Variants in KDM4C observed in about 807,000 individuals in gnomAD.
KDM4C encodes the protein lysine-specific demethylase 4C.
KDM4C carries 81 observed loss-of-function variants against 129.3 expected under a neutral mutation model. The ratio of observed to expected loss-of-function variants is 0.63; its 90% CI spans 0.52 to 0.75. The LOEUF (loss-of-function observed/expected upper bound fraction) is 0.75. KDM4C is among the 30% of genes least tolerant of loss of function. KDM4C has a pLI of 0.00. For synonymous variants in KDM4C, 573 were observed against 456.1 expected, an observed-to-expected ratio of 1.26 and a Z score of -3.26; for missense variants, 1,457 against 1,304.0, an observed-to-expected ratio of 1.12 and a Z score of -1.81.
intron 2 of KDM4C, among the ~76,000 whole-genome samples, chr9:6,801,523 T>C (rs1431393919): frequency 5.3e-5 from 8 of 151,100 alleles, no homozygotes; most frequent in African/African-American, 1.5e-4. Flanking sequence ...AGGCGTGAGC[T>C]ACCGTGCCCA....
At chr9:6,811,423 A>T (rs1190031841) in intron 3 of KDM4C, among the ~76,000 whole-genome samples, 1 of 152,112 alleles carries the variant, frequency 6.6e-6, no homozygotes, top group Non-Finnish European at 1.5e-5. Flanking sequence ...AAGTGCTGGG[A>T]TCTTTCCATT....
At chr9:6,971,974 T>C (rs1485285097) in intron 8 of KDM4C, among the ~76,000 whole-genome samples, 1 of 152,168 alleles carries the variant, frequency 6.6e-6, no homozygotes, top group Non-Finnish European at 1.5e-5. Context: ...ATGACAGATA[T>C]TCAGTGGTAA....
intron 6 of KDM4C, among the ~76,000 whole-genome samples, chr9:6,880,515 A>T (rs1452016705): frequency 6.6e-6 from 1 of 151,990 alleles, no homozygotes; most frequent in Admixed American, 6.6e-5. Context: ...GTCACTGCCG[A>T]CGCCCAGTTC....
At chr9:6,856,801 A>G (rs977378344) in intron 5 of KDM4C, among the ~76,000 whole-genome samples, 3 of 134,476 alleles carry the variant, frequency 2.2e-5, no homozygotes, top group African/African-American at 8.6e-5. Flanking sequence ...CCCAGGCCGG[A>G]CTGCGGACTG....
chr9:6,995,341 A>C (rs184703932), intron 12 of KDM4C, among the ~76,000 whole-genome samples: 1 of 152,038 alleles, frequency 6.6e-6, no homozygotes, highest in African/African-American at 2.4e-5. Flanking sequence ...ACACACAGAC[A>C]CACAGGCACA....
intron 8 of KDM4C, among the ~76,000 whole-genome samples, chr9:6,896,748 C>A (rs997122577): frequency 6.6e-6 from 1 of 152,050 alleles, no homozygotes; most frequent in Non-Finnish European, 1.5e-5. Flanking sequence ...GTGTGCCAGG[C>A]ATCATGTATG....
At chr9:6,732,428 AC>A (rs1288255230) in intron 1 of KDM4C, among the ~76,000 whole-genome samples, 1 of 142,952 alleles carries the variant, frequency 7.0e-6, no homozygotes, top group African/African-American at 2.6e-5. Flanking sequence ...TGTGGCTCAC[AC>A]ACCTGTATAT....
At chr9:6,977,065 C>G (rs979906897) in intron 8 of KDM4C, among the ~76,000 whole-genome samples, 1 of 152,124 alleles carries the variant, frequency 6.6e-6, no homozygotes, top group Non-Finnish European at 1.5e-5. Flanking sequence ...CCAGGCTGGT[C>G]TAGAACTCCT....
At chr9:6,735,000 G>C (rs1817476345) in intron 1 of KDM4C, 1 of 542,776 alleles carries the variant, frequency 1.8e-6, no homozygotes, top group Non-Finnish European at 3.7e-6. Context: ...GATAGGGTTT[G>C]GGTATTACTG....
chr9:6,924,716 A>G (rs925844131), intron 8 of KDM4C: 2 of 974,856 alleles, frequency 2.1e-6, no homozygotes, highest in Admixed American at 1.2e-4. Flanking sequence ...ATCCTGGGAA[A>G]CTCCTGTGGA....
intron 18 of KDM4C, among the ~76,000 whole-genome samples, chr9:7,125,372 C>T: frequency 6.6e-6 from 1 of 152,200 alleles, no homozygotes; most frequent in East Asian, 1.9e-4. Context: ...CTCACGCCAC[C>T]TGTGAGATGG....
chr9:6,770,595 T>C (rs1821570551), intron 1 of KDM4C, among the ~76,000 whole-genome samples: 1 of 151,528 alleles, frequency 6.6e-6, no homozygotes. Context: ...TTTTGACAGG[T>C]AGTTAACAAA....
intron 1 of KDM4C, among the ~76,000 whole-genome samples, chr9:6,778,100 T>G (rs569389398): frequency 4.6e-5 from 7 of 150,992 alleles, no homozygotes; most frequent in African/African-American, 1.7e-4. Context: ...TTCTTTTTTT[T>G]TTTTTTTGAG....
At chr9:6,746,246 T>TTTTATATATATA (rs1802208512) in intron 1 of KDM4C, among the ~76,000 whole-genome samples, 9 of 116,030 alleles carry the variant, frequency 7.8e-5, no homozygotes, top group East Asian at 2.8e-4. Flanking sequence ...CAGCCAGCCA[T>TTTTATATATATA]TATATATATA....
chr9:7,022,852 A>G (rs1424762746), intron 15 of KDM4C, among the ~76,000 whole-genome samples: 1 of 152,038 alleles, frequency 6.6e-6, no homozygotes. Flanking sequence ...GAGGGTTTTC[A>G]TGAAGGGATG....
chr9:7,150,235 C>T (rs1358790610), intron 19 of KDM4C, among the ~76,000 whole-genome samples: 2 of 152,190 alleles, frequency 1.3e-5, no homozygotes, highest in Non-Finnish European at 2.9e-5. Flanking sequence ...TCTTTAAGGC[C>T]TGTATTATTG....
At chr9:6,858,776 C>G (rs572630330) in intron 5 of KDM4C, among the ~76,000 whole-genome samples, 3 of 146,418 alleles carry the variant, frequency 2.0e-5, no homozygotes, top group South Asian at 2.1e-4. Context: ...TCTCCCCCCC[C>G]GGCAAAAAAA....
rs140934703 is a variant in KDM4C at position 6,956,398 on chromosome 9, T to C, written c.922-24527T>C. On this transcript the variant is annotated intron_variant, in intron 8 of 21. Coordinates refer to ENST00000381309, the MANE Select transcript of KDM4C (RefSeq NM_015061.6). ...ACACCTACTAAGTACCCATAAAAAT[T>C]TAAAAAATTAAAAAAAATTGTAATG... Among the ~76,000 whole-genome samples the C allele has an allele frequency of 8.0e-3, 1,220 of 152,200 alleles. 11 individuals are homozygous for C. Among genetic ancestry groups the C allele is most frequent in the African/African-American group, 0.027 (1,104 of 41,520 alleles).
At chr9:7,073,197 T>C (rs1833447856) in intron 17 of KDM4C, among the ~76,000 whole-genome samples, 1 of 152,214 alleles carries the variant, frequency 6.6e-6, no homozygotes, top group Non-Finnish European at 1.5e-5. Context: ...ATTTAGAATG[T>C]TCCGATCTAA....
Sources: allele counts gnomAD v4.1 joint callset (sites outside exome capture counted in the v4.1 genomes callset), GRCh38; gene constraint gnomAD v4.1.1; transcripts MANE v1.5; gene names NCBI Gene and HGNC (gene_info 2026-07-23, HGNC 2026-07-21).